The following CSMD1 variants were observed in gnomAD, a reference collection of about 807,000 sequenced individuals.
The protein encoded by CSMD1 is CUB and Sushi multiple domains 1.
Under a neutral mutation model 417.5 loss-of-function variants are expected in CSMD1, and 213 were observed. That is an observed-to-expected ratio of 0.51 (90% CI 0.46 to 0.57). The LOEUF is 0.57. CSMD1 is among the 20% of genes least tolerant of loss of function. The pLI is 0.00. For synonymous variants in CSMD1, 2,862 were observed against 1,736.8 expected (o/e 1.65, Z -16.11); for missense variants, 6,923 against 4,529.7 (o/e 1.53, Z -15.17).
chr8:4,314,961 G>T (rs1346785918), intron 3 of CSMD1, among the ~76,000 whole-genome samples: 1 of 152,148 alleles, frequency 6.6e-6, no homozygotes, highest in Non-Finnish European at 1.5e-5. Flanking sequence ...TACATGGTGG[G>T]AGGAGGTTTC....
At chr8:3,261,807 G>A (rs753437230) in intron 26 of CSMD1, among the ~76,000 whole-genome samples, 2 of 152,128 alleles carry the variant, frequency 1.3e-5, no homozygotes, top group Non-Finnish European at 2.9e-5. Flanking sequence ...CAAAAGTCTG[G>A]AAGTACAGAA....
intron 1 of CSMD1, among the ~76,000 whole-genome samples, chr8:4,655,435 G>T (rs774993107): frequency 4.6e-5 from 7 of 152,048 alleles, no homozygotes; most frequent in Non-Finnish European, 7.4e-5. Context: ...GTATAAAATG[G>T]AAATGTGAAG....
chr8:4,116,427 A>C lies in CSMD1; in HGVS notation c.416-84328T>G, dbSNP rs556674954. Among the ~76,000 whole-genome samples the C allele has an allele frequency of 1.1e-4, 16 of 150,030 alleles. 2 individuals carry two copies. The South Asian group carries it at 1.3e-3, about 12-fold the overall frequency. ...AACCCTAACGTAAGCTGTACACATC[A>C]GATGGCGACGTATGAGTGCAGGTGC... On this transcript the variant is annotated intron_variant, in intron 3 of 69. Transcript: ENST00000635120.
chr8:3,404,228 G>A (rs1451017959), intron 15 of CSMD1, among the ~76,000 whole-genome samples: 2 of 151,938 alleles, frequency 1.3e-5, no homozygotes, highest in African/African-American at 2.4e-5. Context: ...CAGTTACTCA[G>A]GAAGGCTGAG....
At chr8:3,909,799 C>A (rs995069631) in intron 5 of CSMD1, among the ~76,000 whole-genome samples, 2 of 152,104 alleles carry the variant, frequency 1.3e-5, no homozygotes, top group African/African-American at 2.4e-5. Context: ...TTTAATAATT[C>A]TCATCACAAT....
intron 3 of CSMD1, among the ~76,000 whole-genome samples, chr8:4,400,943 T>C (rs1334169710): frequency 1.0e-5 from 1 of 99,700 alleles, no homozygotes; most frequent in Non-Finnish European, 2.2e-5. Flanking sequence ...CACAACTTTA[T>C]TTTAGATAAT....
chr8:4,424,351 C>A (rs1039047568), intron 2 of CSMD1, among the ~76,000 whole-genome samples: 7 of 151,596 alleles, frequency 4.6e-5, no homozygotes, highest in Non-Finnish European at 8.8e-5. Flanking sequence ...CAACAAAAGG[C>A]AAACAATCCA....
At chr8:3,019,348 C>A (rs933618092) in intron 51 of CSMD1, among the ~76,000 whole-genome samples, 1 of 152,162 alleles carries the variant, frequency 6.6e-6, no homozygotes, top group South Asian at 2.1e-4. Flanking sequence ...ACCTTTCTTT[C>A]CATATCAATC....
chr8:3,544,382 C>T (rs529265240), intron 10 of CSMD1, among the ~76,000 whole-genome samples: 6 of 152,234 alleles, frequency 3.9e-5, no homozygotes, highest in East Asian at 1.9e-4. Context: ...CTCCCCTGAT[C>T]TTTTTTCATC....
intron 10 of CSMD1, among the ~76,000 whole-genome samples, chr8:3,524,204 T>C (rs1023830935): frequency 1.4e-5 from 2 of 142,864 alleles, no homozygotes; most frequent in African/African-American, 5.3e-5. Context: ...TGCACACACA[T>C]GCAACCCAGA....
At chr8:4,288,750 A>T (rs1054394743) in intron 3 of CSMD1, among the ~76,000 whole-genome samples, 1 of 152,020 alleles carries the variant, frequency 6.6e-6, no homozygotes, top group Non-Finnish European at 1.5e-5. Flanking sequence ...CAGATGGTCA[A>T]CCTCCCAACT....
At chr8:4,707,052 G>A (rs1355572610) in intron 1 of CSMD1, among the ~76,000 whole-genome samples, 3 of 152,176 alleles carry the variant, frequency 2.0e-5, no homozygotes, top group Non-Finnish European at 2.9e-5. Flanking sequence ...GACTTAAGGT[G>A]ATCAGATCTG....
At chr8:4,947,609 C>G (rs1314324020) in intron 1 of CSMD1, among the ~76,000 whole-genome samples, 3 of 152,064 alleles carry the variant, frequency 2.0e-5, no homozygotes, top group Admixed American at 6.5e-5. Context: ...TACATGTAAA[C>G]TTACGGCATT....
chr8:4,790,886 G>C (rs1216431519), intron 1 of CSMD1, among the ~76,000 whole-genome samples: 1 of 152,048 alleles, frequency 6.6e-6, no homozygotes, highest in Admixed American at 6.6e-5. Context: ...ACCCTAGAAG[G>C]AAACATAGGA....
chr8:3,478,339 A>T (rs1231111516), intron 11 of CSMD1, among the ~76,000 whole-genome samples: 9 of 152,222 alleles, frequency 5.9e-5, no homozygotes. Flanking sequence ...CTAAAGCCCA[A>T]CGTGATGCTA....
At chr8:4,013,293 G>T (rs1403635232) in intron 4 of CSMD1, among the ~76,000 whole-genome samples, 1 of 152,090 alleles carries the variant, frequency 6.6e-6, no homozygotes, top group Admixed American at 6.6e-5. Flanking sequence ...AGGCCACACT[G>T]CCGTTGCTCT....
intron 3 of CSMD1, among the ~76,000 whole-genome samples, chr8:4,232,579 T>A (rs1245733943): frequency 6.6e-6 from 1 of 152,216 alleles, no homozygotes; most frequent in African/African-American, 2.4e-5. Flanking sequence ...GAAATGTGAA[T>A]GACTCTTGTG....
At chr8:3,113,608 C>T (rs530728414) in intron 42 of CSMD1, among the ~76,000 whole-genome samples, 20 of 152,354 alleles carry the variant, frequency 1.3e-4, no homozygotes, top group Non-Finnish European at 2.2e-4. Flanking sequence ...TCCCCCACAA[C>T]GCCACTCTCT....
chr8:4,910,090 A>T (rs921088249), intron 1 of CSMD1, among the ~76,000 whole-genome samples: 5 of 152,258 alleles, frequency 3.3e-5, no homozygotes, highest in Non-Finnish European at 5.9e-5. Flanking sequence ...GACTTTACTT[A>T]GGACTGAATC....
Sources: allele counts gnomAD v4.1 joint callset (sites outside exome capture counted in the v4.1 genomes callset), GRCh38; gene constraint gnomAD v4.1.1; transcripts MANE v1.5; gene names NCBI Gene and HGNC (gene_info 2026-07-23, HGNC 2026-07-21).